The following AKT1 variants were observed in gnomAD, a reference collection of about 807,000 sequenced individuals.
The protein encoded by AKT1 is RAC-alpha serine/threonine-protein kinase.
AKT1 carries 21 observed loss-of-function variants against 63.1 expected under a neutral mutation model. The ratio of observed to expected loss-of-function variants is 0.33; its 90% CI spans 0.24 to 0.48. The LOEUF (loss-of-function observed/expected upper bound fraction) is 0.48, where lower values mean the gene tolerates loss of function less well. Among genes scored for constraint, AKT1 ranks in the 20% least tolerant of loss-of-function variants. AKT1 has a pLI of 0.99. For missense variants in AKT1, 382 were observed against 666.0 expected (o/e 0.57, Z 4.69); for synonymous variants, 257 against 253.1 (o/e 1.02, Z -0.15).
At chr14:104,783,464 C>T (rs1422429734) in intron 3 of AKT1, among the ~76,000 whole-genome samples, 1 of 151,990 alleles carries the variant, frequency 6.6e-6, no homozygotes, top group Non-Finnish European at 1.5e-5. Flanking sequence ...AGGGGCCTTC[C>T]ATCTCCCCAC....
chr14:104,792,319 G>A (rs1352915827), intron 3 of AKT1, among the ~76,000 whole-genome samples: 1 of 152,198 alleles, frequency 6.6e-6, no homozygotes, highest in Admixed American at 6.5e-5. Context: ...AGGAAAGCCA[G>A]GAGAGAGGCT....
chr14:104,792,044 G>A (rs1271805205), intron 3 of AKT1, among the ~76,000 whole-genome samples: 1 of 152,186 alleles, frequency 6.6e-6, no homozygotes, highest in Non-Finnish European at 1.5e-5. Flanking sequence ...CCCTCGGGCA[G>A]CACCTCCTCC....
At chr14:104,777,260 G>A (rs1467028390) in intron 4 of AKT1, 1 of 207,182 alleles carries the variant, frequency 4.8e-6, no homozygotes, top group East Asian at 1.7e-4. Context: ...ACCCACACCT[G>A]GGGCACAGGC....
rs569741213 is a variant in AKT1 at position 104,781,939 on chromosome 14, T to C, written c.47-1723A>G. ...CCCCACCCACTCCGCAAGCCCTCCA[T>C]GCCCCTGCCAGTGGGCTGCCGAGCA... is the stretch of plus-strand genomic sequence containing the variant. On this transcript the variant is annotated intron_variant, in intron 3 of 14. Coordinates refer to ENST00000649815, the MANE Select transcript of AKT1 (RefSeq NM_001382430.1). Among the ~76,000 whole-genome samples, 6 of 152,292 alleles carry C rather than the reference T, an allele frequency of 3.9e-5. No individual in the cohort carries two copies. In the South Asian group the frequency reaches 6.2e-4, roughly 16 times the overall value.
chr14:104,788,753 G>A (rs1555385212), intron 3 of AKT1, among the ~76,000 whole-genome samples: 1 of 152,214 alleles, frequency 6.6e-6, no homozygotes, highest in Non-Finnish European at 1.5e-5. Context: ...CACCTGCTTG[G>A]GGTCAGAGAC....
At chr14:104,776,807 C>T (rs1892740950) in intron 4 of AKT1, 37 bp from the exon 5 acceptor site, 1 of 1,581,410 alleles carries the variant, frequency 6.3e-7, no homozygotes, top group East Asian at 2.2e-5. Context: ...CGTGCATCCC[C>T]CTGCCCCTCC....
intron 9 of AKT1, 115 bp from the exon 10 acceptor site, chr14:104,773,695 C>T (rs1892537272): frequency 6.9e-7 from 1 of 1,446,032 alleles, no homozygotes; most frequent in Non-Finnish European, 9.3e-7. Context: ...GGACCAGCCA[C>T]CAGAGGGCAC....
In AKT1 at chr14:104,795,159, G is replaced by C. The variant is rs1318130425; in HGVS notation, c.-258+325C>G. On this transcript the variant is annotated intron_variant, in intron 1 of 14. Coordinates refer to ENST00000649815, the MANE Select transcript of AKT1 (RefSeq NM_001382430.1). This position sits in a 1 kb window ranked among gnomAD's most constrained non-coding sequence, Gnocchi z 5.1. ...CCGGGGAGCCCCACGGCCCGCAGGG[G>C]CACCCCGAGCCCCAGCTCCAGGCCC... The C allele has an allele frequency of 6.6e-6, 1 of 151,956 alleles. No homozygotes were observed. The highest frequency in any genetic ancestry group is 2.4e-5 in the African/African-American group (1 of 41,424). 9.4% of individuals were successfully genotyped at this position (151,956 alleles called of 1,614,324 possible). A position where few individuals can be genotyped will look rare whatever the true frequency, so the allele number is the denominator to read the frequency against.
intron 3 of AKT1, among the ~76,000 whole-genome samples, chr14:104,784,399 G>GC (rs1893227624): frequency 6.6e-6 from 1 of 152,104 alleles, no homozygotes; most frequent in Non-Finnish European, 1.5e-5. Context: ...TCCTGTCCCT[G>GC]CCCGGGGGGA....
At chr14:104,772,621 A>G (rs1892456486) in intron 12 of AKT1, among the ~76,000 whole-genome samples, 169 bp from the exon 13 acceptor site, 1 of 152,222 alleles carries the variant, frequency 6.6e-6, no homozygotes, top group African/African-American at 2.4e-5. Context: ...AAAGCACCAC[A>G]GAGCTCACGG....
chr14:104,789,169 C>A (rs1418603669), intron 3 of AKT1, among the ~76,000 whole-genome samples: 4 of 152,216 alleles, frequency 2.6e-5, no homozygotes, highest in African/African-American at 9.6e-5. Context: ...GGTGCCCCTG[C>A]GGCCGGCACC....
At chr14:104,780,713 G>A (rs1038170857) in intron 3 of AKT1, among the ~76,000 whole-genome samples, 2 of 150,724 alleles carry the variant, frequency 1.3e-5, no homozygotes, top group Non-Finnish European at 3.0e-5. Flanking sequence ...CAGCATGGCC[G>A]CCCCCCCCGC....
chr14:104,776,531 G>T, intron 5 of AKT1, 128 bp downstream of exon 5: 1 of 746,640 alleles, frequency 1.3e-6, no homozygotes. Context: ...TGGGCTCTGA[G>T]GAGGGCCTGG....
At chr14:104,786,661 G>C (rs910378272) in intron 3 of AKT1, among the ~76,000 whole-genome samples, 6 of 152,220 alleles carry the variant, frequency 3.9e-5, no homozygotes, top group South Asian at 2.1e-4. Flanking sequence ...CCACCATCTT[G>C]TTTCTGCCCC....
At chr14:104,773,848 G>C in intron 9 of AKT1, 64 bp downstream of exon 9, 1 of 1,491,986 alleles carries the variant, frequency 6.7e-7, no homozygotes, top group Non-Finnish European at 9.2e-7. Flanking sequence ...CTCCGGGAAG[G>C]ACCGGCCCCA....
chr14:104,776,362 G>C (rs1042200950), intron 5 of AKT1: 4 of 288,442 alleles, frequency 1.4e-5, no homozygotes, highest in Admixed American at 4.9e-5. Context: ...TGGCAGGCTA[G>C]TCTCAAACTC....
chr14:104,774,685 C>A, intron 8 of AKT1: 1 of 524,826 alleles, frequency 1.9e-6, no homozygotes, highest in Non-Finnish European at 3.4e-6. Flanking sequence ...GGAGCCTCGG[C>A]AGAGTGCAAG....
chr14:104,770,909 A>G (rs1447801263), intron 13 of AKT1, 62 bp from the exon 14 acceptor site: 1 of 1,446,560 alleles, frequency 6.9e-7, no homozygotes. Flanking sequence ...CACACCCTCA[A>G]GTGTGCTCAA....
Position 104,773,393 on chromosome 14 carries a change from G to A in AKT1, c.829-14C>T, listed in dbSNP as rs1892508527. 6.2e-7 allele frequency: 1 copy of A among 1,614,034 alleles called. No individual in the cohort carries two copies. Among genetic ancestry groups the A allele is most frequent in the African/African-American group, 1.3e-5 (1 of 74,938 alleles). ...GAGGTTCTCCAGCTAGGGGAAAGGT[G>A]GCCTCAGGTCAGTGCCGCCAGGCCC... is the stretch of plus-strand genomic sequence containing the variant. On this transcript the variant is annotated splice_polypyrimidine_tract_variant and intron_variant, in intron 10 of 14. Transcript: ENST00000649815.
Sources: allele counts gnomAD v4.1 joint callset (sites outside exome capture counted in the v4.1 genomes callset), GRCh38; gene constraint gnomAD v4.1.1; non-coding constraint Gnocchi (gnomAD v3.1); transcripts MANE v1.5; gene names NCBI Gene and HGNC (gene_info 2026-07-23, HGNC 2026-07-21).